The following LRRC37A3 variants were observed in gnomAD, a reference collection of about 807,000 sequenced individuals.
LRRC37A3 encodes leucine-rich repeat-containing protein 37A3.
In LRRC37A3, 25 loss-of-function variants were observed where a neutral mutation model predicts 106.2. The ratio of observed to expected loss-of-function variants is 0.24; its 90% CI spans 0.17 to 0.33. The LOEUF is 0.33. Ranked by LOEUF, LRRC37A3 falls within the 10% of genes least tolerant of loss-of-function variation. The pLI, the probability that LRRC37A3 is intolerant of heterozygous loss-of-function variation, is 1.00. For synonymous variants in LRRC37A3, 305 were observed against 635.8 expected (o/e 0.48, Z 7.83); for missense variants, 712 against 1,644.9 (o/e 0.43, Z 9.81).
intron 10 of LRRC37A3, among the ~76,000 whole-genome samples, chr17:64,866,687 G>C (rs1973121509): frequency 8.3e-6 from 1 of 120,736 alleles, no homozygotes; most frequent in South Asian, 2.6e-4. Context: ...CTGGAGTGCA[G>C]TGGTGCCATC....
intron 10 of LRRC37A3, among the ~76,000 whole-genome samples, chr17:64,866,247 G>C (rs1252454190): frequency 6.6e-6 from 1 of 151,932 alleles, no homozygotes; most frequent in Non-Finnish European, 1.5e-5. Flanking sequence ...ACTTCATCCA[G>C]AGAGGAAGGG....
chr17:64,872,556 AG>A (rs1973358400), intron 8 of LRRC37A3, among the ~76,000 whole-genome samples: 1 of 152,238 alleles, frequency 6.6e-6, no homozygotes, highest in East Asian at 1.9e-4. Flanking sequence ...CTAGTGCTAA[AG>A]CCTCTCCACA....
intron 14 of LRRC37A3, 100 bp from the exon 15 acceptor site, chr17:64,854,744 C>T: frequency 6.2e-7 from 1 of 1,611,982 alleles, no homozygotes; most frequent in Non-Finnish European, 8.5e-7. Flanking sequence ...AGGGCCCCGT[C>T]ATTTACCCAG....
rs1448169610 is a variant in LRRC37A3 at position 64,860,058 on chromosome 17, C to T, written c.4088G>A (p.Arg1363Lys). The T allele has an allele frequency of 1.2e-6, 2 of 1,613,930 alleles. No homozygotes were observed. Among genetic ancestry groups the T allele is most frequent in the South Asian group, 1.1e-5 (1 of 91,070 alleles). Residue 1363 changes from arginine (R) to lysine (K), a missense_variant, in exon 12 of 15, where the codon AGA becomes AAA. Coordinates refer to ENST00000584306, the MANE Select transcript of LRRC37A3 (RefSeq NM_199340.5). ...AGGATTTTCTTGAGGACTCAGGTCT[C>T]TTAAGGATGAAAAAGCCCCTTGTGA... ...SPSQGAFSSL[R>K]DLSPQENPFL...
At chr17:64,869,449 TAA>T (rs1281303499) in intron 8 of LRRC37A3, among the ~76,000 whole-genome samples, 1 of 151,214 alleles carries the variant, frequency 6.6e-6, no homozygotes, top group Non-Finnish European at 1.5e-5. Flanking sequence ...TCAAAAACCC[TAA>T]AAGTGACTAT....
intron 2 of LRRC37A3, among the ~76,000 whole-genome samples, chr17:64,916,421 A>T (rs1035498955): frequency 6.6e-6 from 1 of 152,094 alleles, no homozygotes; most frequent in African/African-American, 2.4e-5. Flanking sequence ...TAAATAAATA[A>T]AATAAAATAA....
At chr17:64,871,575 A>T (rs1973313520) in intron 8 of LRRC37A3, 1 of 151,412 alleles carries the variant, frequency 6.6e-6, no homozygotes, top group Non-Finnish European at 1.5e-5. Context: ...TCAGCATGGG[A>T]GTTTTGACCT....
intron 8 of LRRC37A3, among the ~76,000 whole-genome samples, chr17:64,880,205 T>C (rs1256731403): frequency 6.6e-6 from 1 of 151,970 alleles, no homozygotes; most frequent in Non-Finnish European, 1.5e-5. Flanking sequence ...GTGGAGAGAC[T>C]GAGTGGGAAC....
intron 13 of LRRC37A3, among the ~76,000 whole-genome samples, chr17:64,857,750 C>G (rs944185507): frequency 2.6e-5 from 4 of 152,064 alleles, no homozygotes; most frequent in African/African-American, 9.7e-5. Context: ...GCATAGGACT[C>G]CCACAGGCAG....
At chr17:64,867,789 TGAGGC>T (rs1973166807) in intron 10 of LRRC37A3, among the ~76,000 whole-genome samples, 2 of 151,874 alleles carry the variant, frequency 1.3e-5, no homozygotes, top group Admixed American at 1.3e-4. Flanking sequence ...TTCTGCTGAG[TGAGGC>T]CAGGCAAGGT....
intron 2 of LRRC37A3, among the ~76,000 whole-genome samples, chr17:64,913,117 C>T (rs1730179879): frequency 6.6e-6 from 1 of 151,662 alleles, no homozygotes; most frequent in Admixed American, 6.6e-5. Flanking sequence ...CAACCTCTGC[C>T]TCCCGGCTTC....
chr17:64,863,310 T>G (rs1972938961), intron 10 of LRRC37A3: 1 of 420,610 alleles, frequency 2.4e-6, no homozygotes. Flanking sequence ...AGTCTCACTT[T>G]GGGCTGAAAG....
chr17:64,904,274 G>A (rs1974398195), intron 2 of LRRC37A3, among the ~76,000 whole-genome samples: 1 of 152,284 alleles, frequency 6.6e-6, no homozygotes, highest in Non-Finnish European at 1.5e-5. Flanking sequence ...GAGGCCAGGA[G>A]TTTGAGACCA....
At chr17:64,877,312 C>T (rs1480057029) in intron 8 of LRRC37A3, among the ~76,000 whole-genome samples, 5 of 152,168 alleles carry the variant, frequency 3.3e-5, no homozygotes, top group Non-Finnish European at 5.9e-5. Context: ...AGTGATTCTC[C>T]TACCTCAGCC....
chr17:64,863,804 G>A (rs529559354), intron 10 of LRRC37A3, among the ~76,000 whole-genome samples: 9 of 152,026 alleles, frequency 5.9e-5, no homozygotes, highest in African/African-American at 1.4e-4. Context: ...AATTACCAAG[G>A]GGAAAATTAT....
intron 14 of LRRC37A3, 100 bp downstream of exon 14, chr17:64,855,740 T>G: frequency 1.3e-6 from 2 of 1,573,634 alleles, no homozygotes; most frequent in Non-Finnish European, 8.7e-7. Context: ...AAGTGGAGGT[T>G]GCCGTGAGCC....
At chr17:64,866,803 A>T (rs9898149) in intron 10 of LRRC37A3, among the ~76,000 whole-genome samples, 4 of 116,804 alleles carry the variant, frequency 3.4e-5, no homozygotes, top group Admixed American at 8.0e-5. Flanking sequence ...GCTGATTTTT[A>T]TATATATATA....
chr17:64,877,673 T>G (rs1421499366), intron 8 of LRRC37A3, among the ~76,000 whole-genome samples: 3 of 152,190 alleles, frequency 2.0e-5, no homozygotes, highest in Non-Finnish European at 4.4e-5. Context: ...TCTAAAATAA[T>G]AATGCAATTT....
At chr17:64,917,851 C>A (rs1183874618) in intron 2 of LRRC37A3, among the ~76,000 whole-genome samples, 4 of 146,084 alleles carry the variant, frequency 2.7e-5, no homozygotes, top group Non-Finnish European at 5.9e-5. Flanking sequence ...GCCTGTAATC[C>A]CAGCCACTCA....
Sources: allele counts gnomAD v4.1 joint callset (sites outside exome capture counted in the v4.1 genomes callset), GRCh38; gene constraint gnomAD v4.1.1; transcripts MANE v1.5; gene names NCBI Gene and HGNC (gene_info 2026-07-23, HGNC 2026-07-21).